RBFOX1: variants seen among roughly 807,000 people sequenced by gnomAD.
RBFOX1 encodes RNA binding fox-1 homolog 1.
In RBFOX1, 8 loss-of-function variants were observed where a neutral mutation model predicts 57.7. The observed-to-expected ratio is 0.14, with a 90% CI of 0.08 to 0.25. RBFOX1 has a LOEUF of 0.25. RBFOX1 is among the 10% of genes least tolerant of loss of function. The pLI is 1.00. For synonymous variants in RBFOX1, 326 were observed against 222.4 expected, an observed-to-expected ratio of 1.47 and a Z score of -4.15; for missense variants, 611 against 548.5, an observed-to-expected ratio of 1.11 and a Z score of -1.14.
chr16:6,386,549 G>T (rs536099722), intron 2 of RBFOX1, among the ~76,000 whole-genome samples: 1 of 152,140 alleles, frequency 6.6e-6, no homozygotes, highest in Non-Finnish European at 1.5e-5. Context: ...GGAAAGGATA[G>T]AAAAAGCAGC....
chr16:5,888,376 C>G (rs546017506), intron 4 of RBFOX1, among the ~76,000 whole-genome samples: 3 of 152,198 alleles, frequency 2.0e-5, no homozygotes, highest in East Asian at 1.9e-4. Context: ...GATCATTTTA[C>G]TCATTATTAT....
At chr16:7,326,248 C>T (rs2096610215) in intron 4 of RBFOX1, among the ~76,000 whole-genome samples, 1 of 152,180 alleles carries the variant, frequency 6.6e-6, no homozygotes, top group Admixed American at 6.5e-5. Context: ...GTGATAATGC[C>T]AGCTAGGCCT....
chr16:5,836,758 C>T (rs1054513529), intron 3 of RBFOX1, among the ~76,000 whole-genome samples: 6 of 152,212 alleles, frequency 3.9e-5, no homozygotes, highest in Non-Finnish European at 5.9e-5. Flanking sequence ...TCCCTCCTCA[C>T]GCCCAGTTGT....
intron 12 of RBFOX1, among the ~76,000 whole-genome samples, chr16:7,658,915 G>A (rs904783742): frequency 6.6e-6 from 1 of 152,198 alleles, no homozygotes; most frequent in African/African-American, 2.4e-5. Context: ...AGTAGAGACA[G>A]GGTTTCACCA....
At chr16:6,567,568 T>G (rs1389651376) in intron 2 of RBFOX1, among the ~76,000 whole-genome samples, 1 of 152,190 alleles carries the variant, frequency 6.6e-6, no homozygotes, top group Non-Finnish European at 1.5e-5. Flanking sequence ...GTTTCTTATG[T>G]GTCTGCTTGT....
At chr16:6,818,139 G>C (rs1265637388) in intron 3 of RBFOX1, among the ~76,000 whole-genome samples, 4 of 152,050 alleles carry the variant, frequency 2.6e-5, no homozygotes, top group Non-Finnish European at 4.4e-5. Context: ...CCCTTTTCTA[G>C]GTTCCTCTGG....
intron 2 of RBFOX1, among the ~76,000 whole-genome samples, chr16:6,599,065 G>A (rs1200471957): frequency 6.6e-6 from 1 of 152,210 alleles, no homozygotes; most frequent in Non-Finnish European, 1.5e-5. Flanking sequence ...GAGGTGAGAA[G>A]ATGAATGCTT....
intron 3 of RBFOX1, among the ~76,000 whole-genome samples, chr16:6,760,216 T>G (rs1249655072): frequency 6.6e-6 from 1 of 152,240 alleles, no homozygotes; most frequent in African/African-American, 2.4e-5. Context: ...TAGTTTGTAA[T>G]GAATTCCTCA....
chr16:6,877,701 G>C (rs116457478), intron 3 of RBFOX1, among the ~76,000 whole-genome samples: 2,091 of 152,268 alleles, frequency 0.014, 55 homozygotes, highest in African/African-American at 0.044. Flanking sequence ...TGTATAGTGA[G>C]AAAATAGAGG....
At chr16:6,848,909 A>C (rs1203354093) in intron 3 of RBFOX1, among the ~76,000 whole-genome samples, 2 of 152,168 alleles carry the variant, frequency 1.3e-5, no homozygotes, top group South Asian at 2.1e-4. Context: ...TAGTGTTGCA[A>C]AGAAAAAGAC....
intron 2 of RBFOX1, among the ~76,000 whole-genome samples, chr16:6,341,920 T>C (rs2084635573): frequency 6.6e-6 from 1 of 152,218 alleles, no homozygotes; most frequent in South Asian, 2.1e-4. Context: ...CCTGGATCAT[T>C]CAGAATAATT....
At chr16:6,326,714 C>G (rs1222788750) in intron 2 of RBFOX1, among the ~76,000 whole-genome samples, 1 of 151,636 alleles carries the variant, frequency 6.6e-6, no homozygotes, top group Non-Finnish European at 1.5e-5. Context: ...TGGCCATGAC[C>G]TACCTGAGTC....
In RBFOX1 at chr16:6,531,745, G is replaced by A. The variant is rs7206841; in HGVS notation, c.-63-122858G>A. On this transcript the variant is annotated intron_variant, in intron 2 of 15. Coordinates refer to ENST00000550418, the MANE Select transcript of RBFOX1 (RefSeq NM_018723.4). ...TTAATGGAGATTTATAACATCAAAA[G>A]GGATTACATGAGAACAAAGTAATTA... 7.9e-5 allele frequency among the ~76,000 whole-genome samples: 12 copies of A among 152,088 alleles called. No homozygotes were observed. In the South Asian group the frequency reaches 2.5e-3, roughly 32 times the overall value.
intron 4 of RBFOX1, among the ~76,000 whole-genome samples, chr16:5,941,068 C>T (rs575599196): frequency 2.0e-5 from 3 of 152,172 alleles, no homozygotes; most frequent in East Asian, 3.9e-4. Flanking sequence ...CATGCAAATC[C>T]TGGAACACAT....
intron 3 of RBFOX1, among the ~76,000 whole-genome samples, chr16:6,946,359 C>G (rs1013584752): frequency 6.6e-6 from 1 of 152,210 alleles, no homozygotes; most frequent in Admixed American, 6.5e-5. Flanking sequence ...CCAGCTGGCC[C>G]TGTACTGGGC....
rs74893110 is a variant in RBFOX1, at chr16:7,671,955, A to C, written c.931-4819A>C. Reference sequence around the variant, plus strand: ...GTTTAAAAGCTATCTGGACTCAATCAGTATAAATCCAATGAAAATAATTCA... The same window carrying C: ...GTTTAAAAGCTATCTGGACTCAATCCGTATAAATCCAATGAAAATAATTCA... On this transcript the variant is annotated intron_variant, in intron 13 of 15. Transcript: ENST00000550418. Among the ~76,000 whole-genome samples, 912 of 152,344 alleles carry C rather than the reference A, an allele frequency of 6.0e-3. 21 individuals are homozygous for C. The highest frequency in any genetic ancestry group is 0.02 in the African/African-American group (836 of 41,584).
chr16:7,666,389 G>GAAA (rs3837770), intron 13 of RBFOX1, among the ~76,000 whole-genome samples: 52 of 150,796 alleles, frequency 3.4e-4, no homozygotes, highest in East Asian at 1.7e-3. Context: ...ACCTACCCAA[G>GAAA]AAAAAAAAAA....
chr16:7,335,594 AAAAAAAAAAAAAAAAC>A (rs915859061), intron 4 of RBFOX1, among the ~76,000 whole-genome samples: 11 of 121,456 alleles, frequency 9.1e-5, no homozygotes, highest in South Asian at 4.9e-4. Flanking sequence ...GAAAAAAAAA[AAAAAAAAAAAAAAAAC>A]CAAGTGATTT....
At chr16:6,371,947 T>G (rs1000213001) in intron 2 of RBFOX1, among the ~76,000 whole-genome samples, 1 of 152,222 alleles carries the variant, frequency 6.6e-6, no homozygotes, top group African/African-American at 2.4e-5. Context: ...AGACTTCATA[T>G]TTTTTGTCAT....
Sources: gnomAD v4.1 joint callset for allele counts (sites outside exome capture counted in the v4.1 genomes callset) on GRCh38, gnomAD v4.1.1 for gene constraint, MANE v1.5 for transcripts, NCBI Gene and HGNC (gene_info 2026-07-23, HGNC 2026-07-21) for gene names.